Variants in TAP1 observed in about 807,000 individuals in gnomAD.
The protein encoded by TAP1 is transporter 1, ATP binding cassette subfamily B member.
Under a neutral mutation model 79.3 loss-of-function variants are expected in TAP1, and 56 were observed. The ratio of observed to expected loss-of-function variants is 0.71; its 90% CI spans 0.57 to 0.88. TAP1 has a LOEUF of 0.88. Among genes scored for constraint, TAP1 ranks in the 40% least tolerant of loss-of-function variants. The pLI is 0.00. For missense variants in TAP1, 737 were observed against 936.3 expected (o/e 0.79, Z 2.78); for synonymous variants, 355 against 401.4 (o/e 0.88, Z 1.38).
intron 7 of TAP1, 41 bp from the exon 8 acceptor site, chr6:32,848,133 C>T: frequency 6.4e-7 from 1 of 1,560,244 alleles, no homozygotes; most frequent in Non-Finnish European, 8.7e-7. Context: ...CTACCAAGGC[C>T]TCTAACCTTG....
Position 32,847,856 on chromosome 6 carries a change from T to C in TAP1, c.1740+63A>G, listed in dbSNP as rs930103454. 13 of 1,609,722 alleles carry C rather than the reference T, an allele frequency of 8.1e-6. No individual in the cohort carries two copies. In the African/African-American group the frequency reaches 1.7e-4, roughly 21 times the overall value. On this transcript the variant is annotated intron_variant, in intron 8 of 10. Coordinates refer to ENST00000354258, the MANE Select transcript of TAP1 (RefSeq NM_000593.6). This position sits in a 1 kb window ranked among gnomAD's most constrained non-coding sequence, Gnocchi z 4.7. ...TTCCCTAACCCCTCTTTCAGAGTGC[T>C]CAGTAAGAATGCTCTTCGTATTTGA...
rs761543524 is a variant in TAP1 at position 32,850,451 on chromosome 6, C to T, written c.1117G>A (p.Ala373Thr). The T allele has an allele frequency of 1.2e-6, 2 of 1,614,042 alleles. No individual in the cohort carries two copies. Among genetic ancestry groups the T allele is most frequent in the African/African-American group, 2.7e-5 (2 of 74,916 alleles). ...GCAAAGCTTCGAACTGTAGGCATGG[C>T]CGACAGAGCCTCAATGGCCACCTGG... ...SSQVAIEALS[A>T]MPTVRSFANE... Residue 373 changes from alanine to threonine, a missense_variant, in exon 5 of 11, where the codon GCC (alanine) becomes ACC (threonine). Coordinates refer to ENST00000354258, the MANE Select transcript of TAP1 (RefSeq NM_000593.6). This position sits in a 1 kb window ranked among gnomAD's most constrained non-coding sequence, Gnocchi z 5.5.
At position 32,853,632 on chromosome 6, in the gene TAP1, G is replaced by A; in HGVS notation, c.5C>T (p.Ala2Val). ...GCGGGGAGCGGGACACCTAGAGCTA[G>A]CCATTGGCACTCGGACGCCGTCCCG... M[A>V]SSRCPAPRGC... Residue 2 changes from alanine (A) to valine (V), a missense_variant, in exon 1 of 11, where the codon GCT (alanine) becomes GTT (valine). Physicochemically the swap from Ala to Val is moderately conservative, Grantham distance 64 (BLOSUM62 0). Coordinates refer to ENST00000354258, the MANE Select transcript of TAP1 (RefSeq NM_000593.6). This position sits in a 1 kb window ranked among gnomAD's most constrained non-coding sequence, Gnocchi z 8.3. 1 of 1,611,032 alleles carries A rather than the reference G, an allele frequency of 6.2e-7. No individual in the cohort carries two copies. The highest frequency in any genetic ancestry group is 8.5e-7 in the Non-Finnish European group (1 of 1,179,374).
intron 6 of TAP1, 23 bp from the exon 7 acceptor site, chr6:32,848,863 A>G (rs1488891220): frequency 6.2e-7 from 1 of 1,613,448 alleles, no homozygotes; most frequent in Non-Finnish European, 8.5e-7. Flanking sequence ...AAGAATAGTG[A>G]AAGTGAGGTA....
rs113573503 is a variant in TAP1 at position 32,852,918 on chromosome 6, A to AG, written c.598+120dup. On this transcript the variant is annotated intron_variant, in intron 1 of 10. Transcript: ENST00000354258. The surrounding 1 kb of genome is among the most constrained non-coding windows in gnomAD (Gnocchi z 4.8). ...GAAGTGGTGTTCCAAGACCCACGCT[A>AG]GGAGTCCTTCTCCTGCTCCACATTT... 0.028 allele frequency: 41,863 copies of AG among 1,478,430 alleles called. 678 individuals are homozygous for AG. Among genetic ancestry groups the AG allele is most frequent in the South Asian group, 0.036 (2,758 of 76,410 alleles). The allele number at this position is 1,478,430 out of a possible 1,614,324, so 91.6% of individuals were successfully genotyped here.
chr6:32,851,083 C>A lies in TAP1; in HGVS notation c.911G>T (p.Ser304Ile), dbSNP rs1334232380. Residue 304 changes from serine to isoleucine, a missense_variant, in exon 4 of 11, where the codon AGC (serine) becomes ATC (isoleucine). By Grantham distance (142) the Ser-to-Ile change is moderately radical. This residue lies in a region of TAP1 where 406 missense variants were observed against 477.2 expected (regional missense o/e 0.85). Coordinates refer to ENST00000354258, the MANE Select transcript of TAP1 (RefSeq NM_000593.6). This position sits in a 1 kb window ranked among gnomAD's most constrained non-coding sequence, Gnocchi z 4.8. ...TCGCACCAGGTACCACAGAAATAAG[C>A]TCAGATTCTCACTCAGAGAATCACT... is the stretch of plus-strand genomic sequence containing the variant. ...TLSDSLSENLSLFLWYLVRGL... is the reference protein window; with the variant it reads ...TLSDSLSENLILFLWYLVRGL... The A allele has an allele frequency of 6.2e-7, 1 of 1,612,932 alleles. No homozygotes were observed.
chr6:32,850,272 A>T lies in TAP1; in HGVS notation c.1248+48T>A, dbSNP rs748162048. On this transcript the variant is annotated intron_variant, in intron 5 of 10. Coordinates refer to ENST00000354258, the MANE Select transcript of TAP1 (RefSeq NM_000593.6). This position sits in a 1 kb window ranked among gnomAD's most constrained non-coding sequence, Gnocchi z 5.5. ...GGGTCATAGGAATGGGAATGGAGTC[A>T]CGGCATCTTAAGGACAAGGGAATGG... 1.3e-6 allele frequency: 2 copies of T among 1,587,442 alleles called. No homozygotes were observed. Among genetic ancestry groups the T allele is most frequent in the Non-Finnish European group, 1.7e-6 (2 of 1,155,710 alleles).
In TAP1 at chr6:32,850,855, G is replaced by T; in HGVS notation, c.1050+89C>A. Reference sequence around the variant, plus strand: ...GAGAATCAGTAAGGGTGCCAGGAAAGCTGGACTGAAAGCAATGTGAGAGGA... The same window carrying T: ...GAGAATCAGTAAGGGTGCCAGGAAATCTGGACTGAAAGCAATGTGAGAGGA... On this transcript the variant is annotated intron_variant, in intron 4 of 10. Transcript: ENST00000354258. The surrounding 1 kb of genome is among the most constrained non-coding windows in gnomAD (Gnocchi z 5.5). 1.6e-6 allele frequency: 2 copies of T among 1,222,828 alleles called. No individual in the cohort carries two copies. The highest frequency in any genetic ancestry group is 1.2e-5 in the South Asian group (1 of 82,890). The allele number at this position is 1,222,828 out of a possible 1,614,324, so 75.7% of individuals were successfully genotyped here. A position where few individuals can be genotyped will look rare whatever the true frequency, so the allele number is the denominator to read the frequency against.
intron 5 of TAP1, chr6:32,849,473 G>A (rs910535753): frequency 2.8e-5 from 10 of 361,636 alleles, no homozygotes; most frequent in Admixed American, 1.3e-4. Context: ...CGGGCGCAGT[G>A]GCTCATGCCT....
In TAP1 at chr6:32,845,698, C is replaced by T; in HGVS notation, c.2128G>A (p.Asp710Asn). The T allele has an allele frequency of 6.2e-7, 1 of 1,613,086 alleles. No individual in the cohort carries two copies. Residue 710 changes from aspartate (D) to asparagine (N), a missense_variant, in exon 11 of 11, where the codon GAC becomes AAC. This residue lies in a region of TAP1 where 266 missense variants were observed against 332.4 expected (regional missense o/e 0.80). Coordinates refer to ENST00000354258, the MANE Select transcript of TAP1 (RefSeq NM_000593.6). This position sits in a 1 kb window ranked among gnomAD's most constrained non-coding sequence, Gnocchi z 4.5. ...TQHLSLVEQA[D>N]HILFLEGGAI... is the part of the protein sequence containing the mutation. ...CCTCCTTCCAGAAAGAGGATGTGGT[C>T]AGCCTGCTCCACCAGGCTGAGGTGC...
At chr6:32,846,609 C>T (rs1770425677) in intron 10 of TAP1, 2 of 289,400 alleles carry the variant, frequency 6.9e-6, no homozygotes, top group Admixed American at 9.6e-5. Context: ...TACCTGAGCT[C>T]AGGAATTCAA....
intron 5 of TAP1, 123 bp from the exon 6 acceptor site, chr6:32,849,241 A>C: frequency 6.5e-6 from 8 of 1,225,740 alleles, no homozygotes; most frequent in South Asian, 2.6e-5. Context: ...CGGCAGGCTC[A>C]ATAGGCAGAC....
At chr6:32,848,147 G>A in intron 7 of TAP1, 55 bp from the exon 8 acceptor site, 2 of 1,549,482 alleles carry the variant, frequency 1.3e-6, no homozygotes, top group South Asian at 2.3e-5. Flanking sequence ...AACCTTGAGA[G>A]TGTCATTGCC....
chr6:32,852,630 T>C lies in TAP1; in HGVS notation c.599-128A>G. The C allele has an allele frequency of 6.5e-7, 1 of 1,544,562 alleles. No homozygotes were observed. ...GAGGGCATCAGCAGAAAGGAAACAC[T>C]GACGTCTCAATCCCGAACCTAAATA... On this transcript the variant is annotated intron_variant, in intron 1 of 10. Transcript: ENST00000354258. This position sits in a 1 kb window ranked among gnomAD's most constrained non-coding sequence, Gnocchi z 4.8.
Position 32,847,804 on chromosome 6 carries a change from A to C in TAP1, c.1740+115T>G, listed in dbSNP as rs1770530566. The stretch of plus-strand genomic sequence containing the variant: ...ATACTACCTCCCTCCTGACTACACC[A>C]CCATCTCCACCCAAGGTCTCTTATC... On this transcript the variant is annotated intron_variant, in intron 8 of 10. Coordinates refer to ENST00000354258, the MANE Select transcript of TAP1 (RefSeq NM_000593.6). The surrounding 1 kb of genome is among the most constrained non-coding windows in gnomAD (Gnocchi z 4.7). 6.4e-7 allele frequency: 1 copy of C among 1,565,998 alleles called. No individual in the cohort carries two copies. Among genetic ancestry groups the C allele is most frequent in the African/African-American group, 1.4e-5 (1 of 73,948 alleles).
rs866607657 is a variant in TAP1 at position 32,853,512 on chromosome 6, C to T, written c.125G>A (p.Arg42His). The T allele has an allele frequency of 6.2e-7, 1 of 1,609,298 alleles. No homozygotes were observed. Among genetic ancestry groups the T allele is most frequent in the Non-Finnish European group, 8.5e-7 (1 of 1,177,234 alleles). ...DWVLLRTALP[R>H]IFSLLVPTAL... ...GGTGGGCACCAGCAGGGAGAATATG[C>T]GGGGCAGCGCGGTCCGGAGCAGCAC... Residue 42 changes from arginine to histidine, a missense_variant, in exon 1 of 11, where the codon CGC (arginine) becomes CAC (histidine). Arg to His is a conservative substitution (Grantham distance 29). This residue lies in a region of TAP1 where 45 missense variants were observed against 60.2 expected (regional missense o/e 0.75). Transcript: ENST00000354258. This position sits in a 1 kb window ranked among gnomAD's most constrained non-coding sequence, Gnocchi z 8.3.
In TAP1 at chr6:32,851,110, AG is replaced by A. The variant is rs1251907319; in HGVS notation, c.883del (p.Leu295Ter). ...MSRVTEDTST[L>X]SDSLSENLSL... is the part of the protein sequence containing the mutation. ...CAGATTCTCACTCAGAGAATCACTC[AG>A]GGTGGACGTGTCCTCTGTTACCCGA... On this transcript the variant is annotated frameshift_variant, in exon 4 of 11. Coordinates refer to ENST00000354258, the MANE Select transcript of TAP1 (RefSeq NM_000593.6). LOFTEE classifies it high-confidence loss of function. The surrounding 1 kb of genome is among the most constrained non-coding windows in gnomAD (Gnocchi z 4.8). 2 of 1,613,052 alleles carry A rather than the reference AG, an allele frequency of 1.2e-6. No homozygotes were observed. The highest frequency in any genetic ancestry group is 8.5e-7 in the Non-Finnish European group (1 of 1,180,018).
intron 10 of TAP1, chr6:32,846,472 T>C: frequency 6.0e-6 from 1 of 166,448 alleles, no homozygotes; most frequent in Non-Finnish European, 1.3e-5. Context: ...AAATAATTTT[T>C]TTAAATAAAC....
At chr6:32,848,236 T>C in intron 7 of TAP1, 144 bp from the exon 8 acceptor site, 1 of 1,091,624 alleles carries the variant, frequency 9.2e-7, no homozygotes, top group South Asian at 1.4e-5. Context: ...ATGCACAGAT[T>C]TCTGGGTGAT....
Sources: gnomAD v4.1 joint callset for allele counts on GRCh38, gnomAD v4.1.1 for gene constraint, gnomAD v4.1.1 regional missense constraint, Gnocchi (gnomAD v3.1) non-coding constraint, MANE v1.5 for transcripts, NCBI Gene and HGNC (gene_info 2026-07-23, HGNC 2026-07-21) for gene names.